Variants in C12orf50 observed in about 807,000 individuals in gnomAD.
C12orf50 encodes the protein uncharacterized protein C12orf50.
A neutral mutation model predicts 61.6 loss-of-function variants in C12orf50; 35 were observed. That is an observed-to-expected ratio of 0.57 (90% CI 0.43 to 0.75). C12orf50 has a LOEUF of 0.75. Among genes scored for constraint, C12orf50 ranks in the 30% least tolerant of loss-of-function variants. The probability of loss-of-function intolerance (pLI) is 0.00; values close to 1 mark genes in which losing one functional copy is unlikely to be tolerated. For synonymous variants in C12orf50, 178 were observed against 161.5 expected (o/e 1.10, Z -0.77); for missense variants, 475 against 488.5 (o/e 0.97, Z 0.26).
chr12:88,029,920 C>G (rs2032833832), upstream of C12orf50, among the ~76,000 whole-genome samples: 1 of 152,094 alleles, frequency 6.6e-6, no homozygotes, highest in African/African-American at 2.4e-5. Flanking sequence ...AGAGGAATAT[C>G]TTCTTCCTAT....
chr12:87,986,146 TGGA>T, intron 10 of C12orf50, 93 bp from the exon 11 acceptor site: 2 of 1,420,706 alleles, frequency 1.4e-6, no homozygotes, highest in Non-Finnish European at 2.0e-6. Context: ...CATAGCATAA[TGGA>T]AGCCAATAGA....
Position 88,026,975 on chromosome 12 carries a change from G to C in C12orf50, c.-13C>G. On this transcript the variant is annotated 5_prime_UTR_variant, in exon 2 of 13. Transcript: ENST00000298699. ...CCTGCATTTCCATGTGTCTAAATCT[G>C]CAAAGTGGATCTAAACATTTCCTCT... 6.2e-7 allele frequency: 1 copy of C among 1,613,686 alleles called. No individual in the cohort carries two copies.
intron 1 of C12orf50, chr12:88,029,002 A>G (rs950418591): frequency 1.1e-6 from 1 of 911,094 alleles, no homozygotes; most frequent in African/African-American, 1.8e-5. Context: ...AGTTATTGCC[A>G]TATCTCCCTT....
intron 6 of C12orf50, among the ~76,000 whole-genome samples, chr12:87,994,968 G>A (rs918906662): frequency 2.6e-5 from 4 of 152,000 alleles, no homozygotes; most frequent in Non-Finnish European, 5.9e-5. Context: ...TTATTCAATG[G>A]CAATTAAAAA....
intron 3 of C12orf50, among the ~76,000 whole-genome samples, chr12:88,010,734 A>AAGAGATAGGATGGGAAAGAGCACATAT (rs1408470285): frequency 2.6e-5 from 4 of 151,940 alleles, no homozygotes; most frequent in Non-Finnish European, 5.9e-5. Flanking sequence ...CAGAAGGAGA[A>AAGAGATAGGATGGGAAAGAGCACATAT]AGAGATAGGA....
In C12orf50 at chr12:87,992,215, AG is replaced by A. The variant is rs148789139; in HGVS notation, c.592+2417del. 5.6e-3 allele frequency among the ~76,000 whole-genome samples: 851 copies of A among 152,292 alleles called. 10 individuals carry two copies. The highest frequency in any genetic ancestry group is 0.02 in the African/African-American group (818 of 41,568). ...TAAAATAAGGAAAACAGAATATACC[AG>A]GATGAGTAATTTCTACGATTTAAGA... On this transcript the variant is annotated intron_variant, in intron 7 of 12. Transcript: ENST00000298699.
In C12orf50 at chr12:87,989,299, T is replaced by C. The variant is rs2031001668; in HGVS notation, c.665A>G (p.Lys222Arg). The change falls in exon 8 of 13, where the codon AAA (lysine) becomes AGA (arginine). Residue 222 changes from lysine (K) to arginine (R), a missense_variant. Physicochemically the swap from Lys to Arg is conservative, Grantham distance 26 (BLOSUM62 2). Transcript: ENST00000298699. The part of the protein sequence containing the change: ...VDESEALTEE[K>R]EITISKCSNT... ...TGAACATTTTGATATGGTGATTTCT[T>C]TCTCTTCAGTTAAAGCTTCACTTTC... The C allele has an allele frequency of 6.2e-7, 1 of 1,611,042 alleles. No individual in the cohort carries two copies. Among genetic ancestry groups the C allele is most frequent in the Non-Finnish European group, 8.5e-7 (1 of 1,178,048 alleles).
intron 3 of C12orf50, among the ~76,000 whole-genome samples, chr12:88,022,711 A>G (rs554905617): frequency 1.2e-4 from 18 of 152,270 alleles, no homozygotes; most frequent in Non-Finnish European, 2.4e-4. Context: ...TACAACAACA[A>G]CATCCAAGCC....
intron 11 of C12orf50, chr12:87,984,245 G>T (rs995430788): frequency 7.2e-5 from 11 of 151,966 alleles, no homozygotes; most frequent in African/African-American, 1.5e-4. Context: ...TTGTTTGTTT[G>T]TTTCTTGTAA....
chr12:87,992,843 T>A (rs1032786588), intron 7 of C12orf50, among the ~76,000 whole-genome samples: 20 of 152,280 alleles, frequency 1.3e-4, no homozygotes, highest in African/African-American at 4.8e-4. Flanking sequence ...AAAATAATAT[T>A]AAGACAAGAC....
At chr12:88,018,374 C>G (rs1396621836) in intron 3 of C12orf50, among the ~76,000 whole-genome samples, 1 of 152,230 alleles carries the variant, frequency 6.6e-6, no homozygotes, top group Non-Finnish European at 1.5e-5. Context: ...GTTTGGGAAC[C>G]TCTGCCTAGA....
At chr12:88,021,321 A>G (rs2136492287) in intron 3 of C12orf50, among the ~76,000 whole-genome samples, 1 of 151,562 alleles carries the variant, frequency 6.6e-6, no homozygotes, top group Admixed American at 6.6e-5. Context: ...AAAAGAGAAG[A>G]TCCAAGTAAA....
At chr12:88,022,951 A>T (rs2032570448) in intron 3 of C12orf50, among the ~76,000 whole-genome samples, 1 of 152,232 alleles carries the variant, frequency 6.6e-6, no homozygotes, top group African/African-American at 2.4e-5. Flanking sequence ...CACAGATTCG[A>T]AGTTATTTCT....
intron 7 of C12orf50, 69 bp from the exon 8 acceptor site, chr12:87,989,440 A>AAAT: frequency 9.1e-7 from 1 of 1,095,810 alleles, no homozygotes. Context: ...TCAATACAGG[A>AAAT]ACATTTTCTA....
intron 3 of C12orf50, among the ~76,000 whole-genome samples, chr12:88,013,103 T>A (rs1416983393): frequency 1.3e-5 from 2 of 151,572 alleles, no homozygotes; most frequent in Non-Finnish European, 2.9e-5. Context: ...GAAAAAAAAA[T>A]CCTGGGATTT....
chr12:88,026,870 A>G (rs942540746), intron 2 of C12orf50, 81 bp downstream of exon 2: 8 of 1,529,108 alleles, frequency 5.2e-6, no homozygotes, highest in Middle Eastern at 1.7e-4. Context: ...GATTTCTTCC[A>G]TATTGTTTTG....
intron 9 of C12orf50, 105 bp from the exon 10 acceptor site, chr12:87,986,521 GA>G (rs1285770753): frequency 1.5e-5 from 11 of 745,658 alleles, no homozygotes; most frequent in Non-Finnish European, 2.3e-5. Flanking sequence ...CAAGCAAGAG[GA>G]AAAAATAAAT....
chr12:88,030,115 G>GTA, upstream of C12orf50: 1 of 159,454 alleles, frequency 6.3e-6, no homozygotes, highest in South Asian at 2.0e-4. Flanking sequence ...GTATTAGTCC[G>GTA]TTTTCATGCT....
upstream of C12orf50, among the ~76,000 whole-genome samples, chr12:88,029,958 G>C (rs992757413): frequency 6.6e-6 from 1 of 152,086 alleles, no homozygotes; most frequent in Non-Finnish European, 1.5e-5. Context: ...GTGCTTGAAG[G>C]CTTTGAGAAT....
Sources: gnomAD v4.1 joint callset for allele counts (sites outside exome capture counted in the v4.1 genomes callset) on GRCh38, gnomAD v4.1.1 for gene constraint, MANE v1.5 for transcripts, NCBI Gene and HGNC (gene_info 2026-07-23, HGNC 2026-07-21) for gene names.